The following GPC6 variants were observed in gnomAD, a reference collection of about 807,000 sequenced individuals.
GPC6 encodes the protein glypican-6.
GPC6 carries 14 observed loss-of-function variants against 55.2 expected under a neutral mutation model. The observed-to-expected ratio is 0.25, with a 90% CI of 0.17 to 0.40. The LOEUF is 0.40. Ranked by LOEUF, GPC6 falls within the 10% of genes least tolerant of loss-of-function variation. The pLI, the probability that GPC6 is intolerant of heterozygous loss-of-function variation, is 1.00. For missense variants in GPC6, 641 were observed against 708.5 expected (o/e 0.90, Z 1.08); for synonymous variants, 278 against 259.6 (o/e 1.07, Z -0.68).
At chr13:93,613,360 G>C (rs1299272037) in intron 2 of GPC6, among the ~76,000 whole-genome samples, 1 of 152,164 alleles carries the variant, frequency 6.6e-6, no homozygotes, top group Non-Finnish European at 1.5e-5. Flanking sequence ...TGGGGAGTCT[G>C]GGCTCTGAGT....
chr13:93,729,121 C>A (rs1319858985), intron 2 of GPC6, among the ~76,000 whole-genome samples: 6 of 152,114 alleles, frequency 3.9e-5, no homozygotes, highest in Non-Finnish European at 7.4e-5. Context: ...ATCTGCCTTG[C>A]TACTTGATCT....
chr13:94,155,942 A>G (rs1887918896), intron 4 of GPC6, among the ~76,000 whole-genome samples: 1 of 151,924 alleles, frequency 6.6e-6, no homozygotes, highest in Non-Finnish European at 1.5e-5. Flanking sequence ...CTCCACATTC[A>G]CTCATTTGAT....
chr13:93,713,289 A>G (rs1002354771), intron 2 of GPC6, among the ~76,000 whole-genome samples: 29 of 151,652 alleles, frequency 1.9e-4, no homozygotes, highest in Non-Finnish European at 3.5e-4. Flanking sequence ...CTAAAGAAGT[A>G]GAAAGGAGAT....
At chr13:93,988,064 T>A (rs947239471) in intron 3 of GPC6, among the ~76,000 whole-genome samples, 1 of 152,168 alleles carries the variant, frequency 6.6e-6, no homozygotes, top group Non-Finnish European at 1.5e-5. Flanking sequence ...TCTCTCTTGC[T>A]GATTCCAAAA....
At chr13:94,377,670 A>G (rs920030089) in intron 6 of GPC6, among the ~76,000 whole-genome samples, 6 of 152,106 alleles carry the variant, frequency 3.9e-5, no homozygotes, top group East Asian at 1.9e-4. Flanking sequence ...TGGTAATACC[A>G]TTTGACCCAG....
intron 1 of GPC6, among the ~76,000 whole-genome samples, chr13:93,326,498 CTT>C (rs1454224838): frequency 2.6e-5 from 4 of 152,074 alleles, no homozygotes; most frequent in Admixed American, 1.3e-4. Context: ...TTAGAAGAAA[CTT>C]ATAAAAAATC....
chr13:93,731,818 G>T (rs1004380486), intron 2 of GPC6, among the ~76,000 whole-genome samples: 2 of 152,064 alleles, frequency 1.3e-5, no homozygotes, highest in East Asian at 3.9e-4. Flanking sequence ...TTTTGAAGCA[G>T]ATCTGTCCCT....
chr13:93,599,777 G>A (rs74736646), intron 2 of GPC6, among the ~76,000 whole-genome samples: 2,900 of 152,260 alleles, frequency 0.019, 90 homozygotes, highest in African/African-American at 0.066. Flanking sequence ...AAGTATAAGC[G>A]TAGTTAGCAG....
chr13:94,087,049 G>A (rs1008010328), intron 4 of GPC6, among the ~76,000 whole-genome samples: 6 of 152,160 alleles, frequency 3.9e-5, no homozygotes, highest in African/African-American at 1.4e-4. Context: ...ACTAGACAAA[G>A]AGGTAAGATT....
At chr13:94,104,637 T>C (rs938759383) in intron 4 of GPC6, among the ~76,000 whole-genome samples, 3 of 152,154 alleles carry the variant, frequency 2.0e-5, no homozygotes, top group African/African-American at 7.2e-5. Flanking sequence ...ACAAAATCAA[T>C]GTAGAAAAAT....
intron 4 of GPC6, among the ~76,000 whole-genome samples, chr13:94,058,943 A>T (rs963586196): frequency 1.3e-5 from 2 of 152,228 alleles, no homozygotes; most frequent in African/African-American, 4.8e-5. Context: ...TGATGGTATT[A>T]TCCAAAGTTT....
chr13:93,832,871 A>G (rs1887572185), intron 3 of GPC6, among the ~76,000 whole-genome samples: 1 of 152,080 alleles, frequency 6.6e-6, no homozygotes, highest in Admixed American at 6.6e-5. Context: ...CTTCAAGACC[A>G]CCATTCTTTT....
chr13:93,414,792 T>A (rs918998884), intron 1 of GPC6, among the ~76,000 whole-genome samples: 4 of 152,116 alleles, frequency 2.6e-5, no homozygotes, highest in Non-Finnish European at 4.4e-5. Flanking sequence ...CCTAGGCTTT[T>A]TCTTAAAGCT....
intron 1 of GPC6, among the ~76,000 whole-genome samples, chr13:93,356,345 A>G (rs1181649041): frequency 2.6e-5 from 4 of 152,186 alleles, no homozygotes; most frequent in Non-Finnish European, 5.9e-5. Flanking sequence ...TTGAACAAGG[A>G]ACAAGCAAGA....
intron 6 of GPC6, among the ~76,000 whole-genome samples, chr13:94,356,745 T>C (rs1594201517): frequency 6.6e-6 from 1 of 151,920 alleles, no homozygotes; most frequent in African/African-American, 2.4e-5. Context: ...CTAATTAAAA[T>C]GAAAAATGTA....
intron 2 of GPC6, among the ~76,000 whole-genome samples, chr13:93,653,558 C>T (rs1442896280): frequency 6.8e-6 from 1 of 148,016 alleles, no homozygotes; most frequent in African/African-American, 2.5e-5. Context: ...CGTCAATAAT[C>T]CTATGAAGTA....
At chr13:94,289,405 T>A (rs1317945410) in intron 5 of GPC6, among the ~76,000 whole-genome samples, 1 of 152,178 alleles carries the variant, frequency 6.6e-6, no homozygotes, top group African/African-American at 2.4e-5. Flanking sequence ...GCTCCTTTTT[T>A]AGGAGAGTTG....
chr13:93,878,064 A>G (rs1566582006), intron 3 of GPC6, among the ~76,000 whole-genome samples: 1 of 152,218 alleles, frequency 6.6e-6, no homozygotes, highest in African/African-American at 2.4e-5. Flanking sequence ...TGCTGAAAAA[A>G]TAAGTTGTTA....
chr13:94,021,340 C>T (rs1435096673), intron 3 of GPC6, among the ~76,000 whole-genome samples: 1 of 151,534 alleles, frequency 6.6e-6, no homozygotes, highest in African/African-American at 2.4e-5. Context: ...TCACGTGTTA[C>T]ATTGGCTACT....
Sources: gnomAD v4.1 joint callset for allele counts (sites outside exome capture counted in the v4.1 genomes callset) on GRCh38, gnomAD v4.1.1 for gene constraint, MANE v1.5 for transcripts, NCBI Gene and HGNC (gene_info 2026-07-23, HGNC 2026-07-21) for gene names.